The following DLC1 variants were observed in gnomAD, a reference collection of about 807,000 sequenced individuals.
DLC1 encodes the protein DLC1 Rho GTPase activating protein, also known as rho GTPase-activating protein 7.
A neutral mutation model predicts 140.3 loss-of-function variants in DLC1; 54 were observed. The observed-to-expected ratio is 0.38, with a 90% CI of 0.31 to 0.48. The LOEUF is 0.48. Among genes scored for constraint, DLC1 ranks in the 20% least tolerant of loss-of-function variants. The pLI is 0.96. For synonymous variants in DLC1, 986 were observed against 728.1 expected (o/e 1.35, Z -5.70); for missense variants, 2,536 against 1,907.0 (o/e 1.33, Z -6.14).
At chr8:13,397,302 A>G (rs898966629) in intron 3 of DLC1, among the ~76,000 whole-genome samples, 5 of 152,250 alleles carry the variant, frequency 3.3e-5, no homozygotes, top group African/African-American at 1.2e-4. Context: ...ATCTAGATAT[A>G]AGATTTCAGG....
intron 1 of DLC1, among the ~76,000 whole-genome samples, chr8:13,592,153 A>G (rs890937391): frequency 6.6e-6 from 1 of 152,080 alleles, no homozygotes; most frequent in Non-Finnish European, 1.5e-5. Flanking sequence ...CAAGTAGAAG[A>G]AGAGCAGCTT....
At chr8:13,556,039 A>G (rs914642960) in intron 1 of DLC1, among the ~76,000 whole-genome samples, 2 of 152,162 alleles carry the variant, frequency 1.3e-5, no homozygotes, top group East Asian at 1.9e-4. Flanking sequence ...AGAGAAGGAC[A>G]AAAGAGAAAG....
intron 5 of DLC1, among the ~76,000 whole-genome samples, chr8:13,272,331 C>T (rs754382074): frequency 2.6e-5 from 4 of 151,894 alleles, no homozygotes; most frequent in Non-Finnish European, 5.9e-5. Context: ...GCCTGTAATC[C>T]CAGCTACTCG....
chr8:13,439,105 T>C (rs1771751333), intron 2 of DLC1, among the ~76,000 whole-genome samples: 1 of 152,048 alleles, frequency 6.6e-6, no homozygotes, highest in African/African-American at 2.4e-5. Context: ...GGTGGGTAGA[T>C]TACAAGGTCA....
chr8:13,143,951 G>A (rs1053034218), intron 5 of DLC1, among the ~76,000 whole-genome samples: 6 of 152,130 alleles, frequency 3.9e-5, no homozygotes, highest in Non-Finnish European at 8.8e-5. Flanking sequence ...AAGAGAGGCT[G>A]ACCCCAGCTA....
intron 4 of DLC1, among the ~76,000 whole-genome samples, chr8:13,379,345 C>A (rs755238335): frequency 2.0e-5 from 3 of 152,122 alleles, no homozygotes; most frequent in African/African-American, 7.2e-5. Context: ...TCCAATGAAT[C>A]CATTGTAAGT....
intron 2 of DLC1, among the ~76,000 whole-genome samples, chr8:13,473,091 G>A (rs950767243): frequency 3.3e-5 from 5 of 152,188 alleles, no homozygotes; most frequent in African/African-American, 4.8e-5. Flanking sequence ...TGCAGGTCAG[G>A]GGGTGATATG....
chr8:13,357,074 G>T (rs1834976359), intron 4 of DLC1, among the ~76,000 whole-genome samples: 1 of 152,014 alleles, frequency 6.6e-6, no homozygotes, highest in East Asian at 1.9e-4. Flanking sequence ...TTTGAGACCA[G>T]CCTAGCCCAT....
At chr8:13,252,471 A>C (rs894460513) in intron 5 of DLC1, among the ~76,000 whole-genome samples, 32 of 152,300 alleles carry the variant, frequency 2.1e-4, no homozygotes, top group African/African-American at 7.5e-4. Flanking sequence ...ATACAAAGAC[A>C]ACAGATATGT....
At chr8:13,327,681 T>A (rs78050837) in intron 4 of DLC1, among the ~76,000 whole-genome samples, 1 of 152,334 alleles carries the variant, frequency 6.6e-6, no homozygotes, top group African/African-American at 2.4e-5. Flanking sequence ...GACAAAAATG[T>A]ACTGAGCCTC....
At chr8:13,457,833 G>A (rs1416586036) in intron 2 of DLC1, among the ~76,000 whole-genome samples, 2 of 152,064 alleles carry the variant, frequency 1.3e-5, no homozygotes, top group African/African-American at 4.8e-5. Context: ...TGCGTAGAAG[G>A]AAGAAAAACA....
intron 5 of DLC1, among the ~76,000 whole-genome samples, chr8:13,141,525 C>T (rs1822991796): frequency 6.6e-6 from 1 of 152,144 alleles, no homozygotes; most frequent in African/African-American, 2.4e-5. Context: ...TTTATTTCCA[C>T]TAAGGAGACG....
At chr8:13,170,789 C>G (rs1286217744) in intron 5 of DLC1, among the ~76,000 whole-genome samples, 1 of 147,146 alleles carries the variant, frequency 6.8e-6, no homozygotes, top group African/African-American at 2.5e-5. Flanking sequence ...TGTGAGCTAA[C>G]ATTATTTTCC....
Position 13,131,842 on chromosome 8 carries a change from G to A in DLC1, c.1349-16185C>T, listed in dbSNP as rs1563659240. On this transcript the variant is annotated intron_variant, in intron 5 of 17. Coordinates refer to ENST00000276297, the MANE Select transcript of DLC1 (RefSeq NM_182643.3). The stretch of plus-strand genomic sequence containing the variant: ...TGCTGACCAGGATGAGACCCCACCA[G>A]CCTGACCCCGTGTCCCCTCTCACTT... Among the ~76,000 whole-genome samples the A allele has an allele frequency of 3.9e-5, 6 of 152,312 alleles. No individual in the cohort carries two copies. In the East Asian group the frequency reaches 5.8e-4, roughly 15 times the overall value.
At chr8:13,114,553 GA>G (rs1453079390) in intron 6 of DLC1, among the ~76,000 whole-genome samples, 1 of 151,636 alleles carries the variant, frequency 6.6e-6, no homozygotes, top group East Asian at 1.9e-4. Context: ...TTTCTCAATT[GA>G]AAAACTGAAT....
chr8:13,390,995 A>AT, intron 4 of DLC1, among the ~76,000 whole-genome samples: 1 of 40,638 alleles, frequency 2.5e-5, no homozygotes, highest in Non-Finnish European at 5.6e-5. Flanking sequence ...AAAAAAAAAA[A>AT]GAAAAAAAAA....
intron 5 of DLC1, among the ~76,000 whole-genome samples, chr8:13,155,116 T>C (rs570530004): frequency 6.8e-6 from 1 of 146,812 alleles, no homozygotes; most frequent in Admixed American, 6.9e-5. Flanking sequence ...ATGCAAACTT[T>C]CTACAACTTG....
intron 4 of DLC1, among the ~76,000 whole-genome samples, chr8:13,390,753 C>T (rs911182408): frequency 1.2e-4 from 19 of 152,028 alleles, no homozygotes; most frequent in African/African-American, 2.9e-4. Flanking sequence ...TTTGGGAGGC[C>T]GAGGCGGGTG....
intron 4 of DLC1, among the ~76,000 whole-genome samples, chr8:13,392,303 CT>C (rs1381703448): frequency 3.9e-5 from 6 of 152,216 alleles, no homozygotes; most frequent in Admixed American, 3.3e-4. Flanking sequence ...CTCCCCAAGT[CT>C]TTTTCATGTA....
Sources: gnomAD v4.1 joint callset for allele counts (sites outside exome capture counted in the v4.1 genomes callset) on GRCh38, gnomAD v4.1.1 for gene constraint, MANE v1.5 for transcripts, NCBI Gene and HGNC (gene_info 2026-07-23, HGNC 2026-07-21) for gene names.